Variants in MYO1H observed in about 807,000 individuals in gnomAD.
The protein encoded by MYO1H is unconventional myosin-Ih.
Under a neutral mutation model 149.3 loss-of-function variants are expected in MYO1H, and 118 were observed. That is an observed-to-expected ratio of 0.79 (90% CI 0.68 to 0.92). The LOEUF is 0.92. MYO1H is among the 40% of genes least tolerant of loss of function. The probability of loss-of-function intolerance (pLI) is 0.00; values close to 1 mark genes in which losing one functional copy is unlikely to be tolerated. For synonymous variants in MYO1H, 447 were observed against 465.2 expected (o/e 0.96, Z 0.50); for missense variants, 1,212 against 1,280.7 (o/e 0.95, Z 0.82).
intron 27 of MYO1H, 128 bp downstream of exon 27, chr12:109,442,400 C>T (rs1872177726): frequency 4.2e-6 from 3 of 715,452 alleles, no homozygotes; most frequent in African/African-American, 3.5e-5. Flanking sequence ...GGGCTCTCAA[C>T]TGTGATGCTT....
At chr12:109,336,468 A>G in the MYO1H span, among the ~76,000 whole-genome samples, 4 of 152,234 alleles carry the variant, frequency 2.6e-5, no homozygotes, top group South Asian at 2.1e-4. Context: ...ACGGGGTTCA[A>G]TACTGACATC....
rs1339551477 is a variant in MYO1H, at chr12:109,427,495, C to G, written c.1858C>G (p.His620Asp). Residue 620 changes from histidine (H) to aspartate (D), a missense_variant, in exon 19 of 32, where the codon CAT becomes GAT. By Grantham distance (81) the His-to-Asp change is moderately conservative. Coordinates refer to ENST00000310903, the Ensembl canonical transcript of MYO1H. ...CAAATTTGATGACTTCCTCATAAGG[C>G]ATCAGATCAAATACCTGGGGCTGAT... 18 of 1,612,350 alleles carry G rather than the reference C, an allele frequency of 1.1e-5. No individual in the cohort carries two copies. The South Asian group carries it at 1.6e-4, about 15-fold the overall frequency.
chr12:109,428,130 G>C (rs1871455771), intron 19 of MYO1H, among the ~76,000 whole-genome samples: 2 of 150,384 alleles, frequency 1.3e-5, no homozygotes, highest in South Asian at 4.2e-4. Flanking sequence ...CAAAAATTCA[G>C]TTTACCATCT....
chr12:109,329,640 T>C, the MYO1H span, among the ~76,000 whole-genome samples: 1 of 152,220 alleles, frequency 6.6e-6, no homozygotes, highest in Non-Finnish European at 1.5e-5. Flanking sequence ...GAGCTGTCTG[T>C]AGATCTTTTG....
the MYO1H span, among the ~76,000 whole-genome samples, chr12:109,316,200 A>C: frequency 5.3e-5 from 8 of 152,146 alleles, no homozygotes; most frequent in African/African-American, 1.9e-4. Context: ...CTTTGTCCAC[A>C]AAAGGGCCTT....
chr12:109,409,210 C>G (rs1193549767), intron 10 of MYO1H, among the ~76,000 whole-genome samples: 3 of 128,952 alleles, frequency 2.3e-5, no homozygotes, highest in Non-Finnish European at 5.1e-5. Flanking sequence ...TCTCCTTCTT[C>G]TTCTCCTTCT....
At chr12:109,345,635 G>C (rs534497486), upstream of MYO1H, among the ~76,000 whole-genome samples, 1 of 152,092 alleles carries the variant, frequency 6.6e-6, no homozygotes, top group African/African-American at 2.4e-5. Flanking sequence ...ATGAAAACAA[G>C]TCCACACAAA....
intron 15 of MYO1H, among the ~76,000 whole-genome samples, chr12:109,417,024 A>T (rs1226323495): frequency 1.3e-5 from 2 of 150,682 alleles, no homozygotes; most frequent in African/African-American, 4.9e-5. Context: ...AAAAAAAATT[A>T]GCCGGTCGTG....
At chr12:109,324,659 TGA>T in the MYO1H span, among the ~76,000 whole-genome samples, 1 of 152,126 alleles carries the variant, frequency 6.6e-6, no homozygotes, top group African/African-American at 2.4e-5. Context: ...TTACCTTATC[TGA>T]GAAAGAAAGT....
intron 14 of MYO1H, 37 bp downstream of exon 14, chr12:109,412,022 AG>A (rs768128988): frequency 6.4e-6 from 9 of 1,400,818 alleles, no homozygotes; most frequent in Admixed American, 4.2e-5. Context: ...GCATGGGGGA[AG>A]ATGATTGTGT....
intron 1 of MYO1H, among the ~76,000 whole-genome samples, chr12:109,355,454 G>A (rs987720751): frequency 2.0e-5 from 3 of 152,100 alleles, no homozygotes; most frequent in African/African-American, 7.2e-5. Flanking sequence ...GTGGATGCTC[G>A]AACTGCATCC....
chr12:109,375,103 C>T (rs1466901682), intron 1 of MYO1H, among the ~76,000 whole-genome samples: 1 of 151,218 alleles, frequency 6.6e-6, no homozygotes, highest in Non-Finnish European at 1.5e-5. Flanking sequence ...GATCCACCTG[C>T]CTTGGCCTCC....
chr12:109,436,458 A>C (rs1200698224), intron 21 of MYO1H, 30 bp from the exon 22 acceptor site: 2 of 1,571,498 alleles, frequency 1.3e-6, no homozygotes, highest in South Asian at 2.3e-5. Context: ...ATGCAAAGCC[A>C]TTTCACCAAA....
At chr12:109,383,400 G>A (rs750898463) in intron 1 of MYO1H, among the ~76,000 whole-genome samples, 2 of 152,160 alleles carry the variant, frequency 1.3e-5, no homozygotes, top group African/African-American at 2.4e-5. Context: ...GTTCTGTTCC[G>A]CATGTGTATT....
chr12:109,329,374 C>T, the MYO1H span, among the ~76,000 whole-genome samples: 2 of 152,130 alleles, frequency 1.3e-5, no homozygotes, highest in Non-Finnish European at 2.9e-5. Flanking sequence ...TCTAACTCTT[C>T]CCAGAAAAAT....
At chr12:109,405,495 G>A (rs752768740) in intron 7 of MYO1H, among the ~76,000 whole-genome samples, 2 of 152,078 alleles carry the variant, frequency 1.3e-5, no homozygotes, top group Non-Finnish European at 2.9e-5. Flanking sequence ...GTTTTTAGTA[G>A]AGATGGGGTT....
chr12:109,331,100 G>T, the MYO1H span, among the ~76,000 whole-genome samples: 2 of 152,102 alleles, frequency 1.3e-5, no homozygotes, highest in African/African-American at 4.8e-5. Context: ...CTAATTTACT[G>T]TAGAGCAGGC....
At chr12:109,367,700 C>T (rs1479118477) in intron 1 of MYO1H, among the ~76,000 whole-genome samples, 7 of 151,788 alleles carry the variant, frequency 4.6e-5, no homozygotes, top group Admixed American at 3.9e-4. Context: ...TACAGGCGCC[C>T]GCCACCACAC....
At chr12:109,346,244 AT>A (rs1431123595), upstream of MYO1H, among the ~76,000 whole-genome samples, 3 of 152,190 alleles carry the variant, frequency 2.0e-5, no homozygotes, top group Non-Finnish European at 4.4e-5. Flanking sequence ...TCTGACAATG[AT>A]TTAAAGTGTA....
Sources: allele counts gnomAD v4.1 joint callset (sites outside exome capture counted in the v4.1 genomes callset), GRCh38; gene constraint gnomAD v4.1.1; transcripts MANE v1.5; gene names NCBI Gene and HGNC (gene_info 2026-07-23, HGNC 2026-07-21).